Variants in ADAMTS12 observed in about 807,000 individuals in gnomAD.
ADAMTS12 encodes ADAM metallopeptidase with thrombospondin type 1 motif 12.
ADAMTS12 carries 118 observed loss-of-function variants against 167.8 expected under a neutral mutation model. The ratio of observed to expected loss-of-function variants is 0.70; its 90% CI spans 0.61 to 0.82. ADAMTS12 has a LOEUF of 0.82. ADAMTS12 is among the 40% of genes least tolerant of loss of function. The pLI is 0.00. For synonymous variants in ADAMTS12, 704 were observed against 716.9 expected (o/e 0.98, Z 0.29); for missense variants, 1,916 against 1,998.8 (o/e 0.96, Z 0.79).
chr5:33,848,984 T>C (rs1366343814), intron 2 of ADAMTS12, among the ~76,000 whole-genome samples: 5 of 150,622 alleles, frequency 3.3e-5, no homozygotes, highest in South Asian at 2.1e-4. Flanking sequence ...CATAGCAATA[T>C]ATATATATGT....
At chr5:33,567,370 G>A (rs1196514028) in intron 19 of ADAMTS12, among the ~76,000 whole-genome samples, 1 of 152,104 alleles carries the variant, frequency 6.6e-6, no homozygotes, top group Non-Finnish European at 1.5e-5. Flanking sequence ...TCTACCACTT[G>A]TTTTCTTTGT....
chr5:33,742,693 G>A (rs1257536192), intron 3 of ADAMTS12, among the ~76,000 whole-genome samples: 7 of 152,182 alleles, frequency 4.6e-5, no homozygotes, highest in Admixed American at 3.9e-4. Flanking sequence ...GTGTCTACTG[G>A]TGGAAATAAG....
chr5:33,718,814 A>G (rs928736670), intron 3 of ADAMTS12, among the ~76,000 whole-genome samples: 3 of 152,184 alleles, frequency 2.0e-5, no homozygotes, highest in Non-Finnish European at 4.4e-5. Context: ...ACAGCAGTGC[A>G]CTTTCTAACG....
intron 16 of ADAMTS12, among the ~76,000 whole-genome samples, chr5:33,598,455 C>A (rs1207182274): frequency 6.6e-6 from 1 of 152,180 alleles, no homozygotes; most frequent in African/African-American, 2.4e-5. Flanking sequence ...CTAGTCCCTA[C>A]TTTTCCTTCT....
chr5:33,691,763 C>T (rs945359952), intron 3 of ADAMTS12, among the ~76,000 whole-genome samples: 11 of 152,202 alleles, frequency 7.2e-5, no homozygotes, highest in African/African-American at 2.7e-4. Flanking sequence ...CTTCCACATC[C>T]TGGCAGCACT....
chr5:33,864,573 G>A (rs970711864), intron 2 of ADAMTS12, among the ~76,000 whole-genome samples: 57 of 152,278 alleles, frequency 3.7e-4, no homozygotes, highest in African/African-American at 1.3e-3. Flanking sequence ...CCATAGCAAA[G>A]ACTAGGAACC....
At chr5:33,635,499 T>G (rs1365763565) in intron 12 of ADAMTS12, among the ~76,000 whole-genome samples, 1 of 152,174 alleles carries the variant, frequency 6.6e-6, no homozygotes, top group Non-Finnish European at 1.5e-5. Flanking sequence ...ACCTATTAGC[T>G]TATCTCTAAA....
chr5:33,635,795 A>G (rs1305794627), intron 12 of ADAMTS12, among the ~76,000 whole-genome samples: 2 of 152,318 alleles, frequency 1.3e-5, no homozygotes, highest in South Asian at 4.1e-4. Flanking sequence ...ACAGAGTATA[A>G]TGGGGAAAGT....
chr5:33,644,965 C>T (rs942275334), intron 9 of ADAMTS12, among the ~76,000 whole-genome samples: 5 of 152,096 alleles, frequency 3.3e-5, no homozygotes, highest in Non-Finnish European at 4.4e-5. Flanking sequence ...CTCCTGACCT[C>T]GTGATCTGCC....
In ADAMTS12 at chr5:33,535,117, G is replaced by T. The variant is rs1403632426; in HGVS notation, c.4447-125C>A. ...CATCTCAATAACCAGAAACCTTTTTGGAGGAGTCATAGAATAAAGGCACTA... is the reference window on the plus strand; with the variant it reads ...CATCTCAATAACCAGAAACCTTTTTTGAGGAGTCATAGAATAAAGGCACTA... On this transcript the variant is annotated intron_variant, in intron 22 of 23. Coordinates refer to ENST00000504830, the MANE Select transcript of ADAMTS12 (RefSeq NM_030955.4). 8 of 968,610 alleles carry T rather than the reference G, an allele frequency of 8.3e-6. No homozygotes were observed. The East Asian group carries it at 1.6e-4, about 20-fold the overall frequency. 60.0% of individuals were successfully genotyped at this position (968,610 alleles called of 1,614,324 possible).
intron 2 of ADAMTS12, among the ~76,000 whole-genome samples, chr5:33,845,805 A>G (rs1047069572): frequency 6.6e-6 from 1 of 152,244 alleles, no homozygotes; most frequent in African/African-American, 2.4e-5. Flanking sequence ...TTTCTGCCAA[A>G]GATGCCATCT....
chr5:33,802,041 C>T (rs2166378), intron 2 of ADAMTS12, among the ~76,000 whole-genome samples: 21,813 of 152,058 alleles, frequency 0.14, 1,973 homozygotes, highest in East Asian at 0.35. Flanking sequence ...TAAGAAAGGC[C>T]CCAGAGAGCT....
chr5:33,769,593 A>G (rs1745668807), intron 2 of ADAMTS12, among the ~76,000 whole-genome samples: 1 of 152,228 alleles, frequency 6.6e-6, no homozygotes, highest in African/African-American at 2.4e-5. Flanking sequence ...AGAGTTGCCA[A>G]AATCAGCCCA....
At chr5:33,578,735 C>T (rs1358095346) in intron 18 of ADAMTS12, among the ~76,000 whole-genome samples, 1 of 152,144 alleles carries the variant, frequency 6.6e-6, no homozygotes, top group Non-Finnish European at 1.5e-5. Context: ...TATTTTGTTT[C>T]AATCAAACAT....
At chr5:33,722,944 G>C (rs1050209611) in intron 3 of ADAMTS12, among the ~76,000 whole-genome samples, 2 of 152,186 alleles carry the variant, frequency 1.3e-5, no homozygotes, top group African/African-American at 2.4e-5. Context: ...AAGCAAGGAA[G>C]GAAGGAGAAC....
At chr5:33,854,283 G>A (rs1190032826) in intron 2 of ADAMTS12, among the ~76,000 whole-genome samples, 2 of 152,056 alleles carry the variant, frequency 1.3e-5, no homozygotes, top group East Asian at 1.9e-4. Context: ...ATTCATATTC[G>A]GTCAAAAAGA....
chr5:33,882,293 G>C (rs1030128061), intron 1 of ADAMTS12, among the ~76,000 whole-genome samples: 3 of 152,168 alleles, frequency 2.0e-5, no homozygotes, highest in Non-Finnish European at 4.4e-5. Context: ...ATGCAGCAAA[G>C]AGTGCATAAA....
chr5:33,577,743 T>C (rs201585407), intron 18 of ADAMTS12, among the ~76,000 whole-genome samples: 8 of 151,986 alleles, frequency 5.3e-5, no homozygotes, highest in Admixed American at 4.6e-4. Context: ...ATCCAAGACC[T>C]ACTCTAAAAT....
Position 33,881,469 on chromosome 5 carries a change from T to C in ADAMTS12, c.139A>G (p.Lys47Glu). The C allele has an allele frequency of 6.2e-7, 1 of 1,611,770 alleles. No homozygotes were observed. The highest frequency in any genetic ancestry group is 1.1e-5 in the South Asian group (1 of 91,022). ...ACCACGTGGTATTCTGGCAGGCCCT[T>C]GATAAAATGCTCTGAAAGAAAAGGA... Reference protein sequence around the residue: ...FPDRRQEHFIKGLPEYHVVGP... With the variant: ...FPDRRQEHFIEGLPEYHVVGP... The change falls in exon 2 of 24, where the codon AAG (lysine) becomes GAG (glutamate). Residue 47 changes from lysine to glutamate, a missense_variant. Coordinates refer to ENST00000504830, the MANE Select transcript of ADAMTS12 (RefSeq NM_030955.4).
Sources: allele counts gnomAD v4.1 joint callset (sites outside exome capture counted in the v4.1 genomes callset), GRCh38; gene constraint gnomAD v4.1.1; transcripts MANE v1.5; gene names NCBI Gene and HGNC (gene_info 2026-07-23, HGNC 2026-07-21).